Variants in KALRN observed in about 807,000 individuals in gnomAD.
The protein encoded by KALRN is kalirin RhoGEF kinase.
A neutral mutation model predicts 353.7 loss-of-function variants in KALRN; 70 were observed. The ratio of observed to expected loss-of-function variants is 0.20; its 90% CI spans 0.16 to 0.24. The LOEUF (loss-of-function observed/expected upper bound fraction) is 0.24, where lower values mean the gene tolerates loss of function less well. Ranked by LOEUF, KALRN falls within the 10% of genes least tolerant of loss-of-function variation. The pLI is 1.00. For missense variants in KALRN, 2,791 were observed against 3,756.7 expected, an observed-to-expected ratio of 0.74 and a Z score of 6.72; for synonymous variants, 1,391 against 1,434.8, an observed-to-expected ratio of 0.97 and a Z score of 0.69.
intron 1 of KALRN, among the ~76,000 whole-genome samples, chr3:124,194,441 C>T (rs993606802): frequency 7.9e-5 from 12 of 151,658 alleles, no homozygotes; most frequent in African/African-American, 1.9e-4. Context: ...ACGAGCCTCC[C>T]GAGGCTTCAG....
At chr3:124,554,191 A>G (rs1401629716) in intron 33 of KALRN, among the ~76,000 whole-genome samples, 2 of 152,230 alleles carry the variant, frequency 1.3e-5, no homozygotes, top group Non-Finnish European at 2.9e-5. Context: ...CCCCATCTCC[A>G]CTAAAAATAC....
At chr3:124,357,980 C>A (rs1405956048) in intron 10 of KALRN, among the ~76,000 whole-genome samples, 1 of 152,256 alleles carries the variant, frequency 6.6e-6, no homozygotes, top group South Asian at 2.1e-4. Context: ...AGAGGTAGAT[C>A]AGATGAATAT....
chr3:124,601,590 G>A (rs956770034), intron 34 of KALRN, among the ~76,000 whole-genome samples: 1 of 152,138 alleles, frequency 6.6e-6, no homozygotes, highest in Non-Finnish European at 1.5e-5. Flanking sequence ...CTTCAACCAG[G>A]TCACTATTAA....
chr3:124,321,201 C>T (rs964482211), intron 6 of KALRN, among the ~76,000 whole-genome samples: 10 of 152,094 alleles, frequency 6.6e-5, no homozygotes, highest in Admixed American at 1.3e-4. Context: ...AGAGTGGGGG[C>T]CTATGACCAC....
rs998651537 is a variant in KALRN at position 124,538,244 on chromosome 3, TTGTGTG to T, written c.4936-24589_4936-24584del. Reference sequence around the variant, plus strand: ...GTGATATTGAAGAGCCAAAGAGTGTTTGTGTGTGTGTGTGTTTGTGTGTGTGTGTGT... The same window carrying T: ...GTGATATTGAAGAGCCAAAGAGTGTTTGTGTGTGTTTGTGTGTGTGTGTGT... On this transcript the variant is annotated intron_variant, in intron 33 of 59. Coordinates refer to ENST00000682506, the MANE Select transcript of KALRN (RefSeq NM_001388419.1). Among the ~76,000 whole-genome samples the T allele has an allele frequency of 2.1e-4, 29 of 137,844 alleles. No homozygotes were observed. The South Asian group carries it at 6.8e-3, about 32-fold the overall frequency. 90.4% of individuals were successfully genotyped at this position (137,844 alleles called of 152,430 possible). A position where few individuals can be genotyped will look rare whatever the true frequency, so the allele number is the denominator to read the frequency against.
intron 49 of KALRN, among the ~76,000 whole-genome samples, chr3:124,677,004 G>A (rs1319375537): frequency 3.3e-5 from 5 of 152,106 alleles, no homozygotes; most frequent in Non-Finnish European, 5.9e-5. Context: ...GTGTGTTAGC[G>A]GATAAATATT....
intron 33 of KALRN, among the ~76,000 whole-genome samples, chr3:124,521,013 A>G (rs1239406836): frequency 6.6e-6 from 1 of 152,146 alleles, no homozygotes; most frequent in Non-Finnish European, 1.5e-5. Context: ...TCTTCCTTGC[A>G]CACCTCCCAC....
intron 55 of KALRN, 46 bp from the exon 56 acceptor site, chr3:124,699,823 T>C: frequency 1.3e-6 from 2 of 1,584,278 alleles, no homozygotes; most frequent in Non-Finnish European, 1.7e-6. Context: ...TGAAACAATA[T>C]CCCTTTGGCT....
chr3:124,658,219 C>T (rs916781080), intron 41 of KALRN, among the ~76,000 whole-genome samples: 2 of 152,146 alleles, frequency 1.3e-5, no homozygotes, highest in Non-Finnish European at 2.9e-5. Flanking sequence ...TCTTTCTCAG[C>T]CCTCTCTAAG....
At chr3:124,524,705 G>A (rs1388969655) in intron 33 of KALRN, among the ~76,000 whole-genome samples, 2 of 152,196 alleles carry the variant, frequency 1.3e-5, no homozygotes, top group Non-Finnish European at 2.9e-5. Flanking sequence ...CCAACAATGT[G>A]TATGTATGTG....
intron 51 of KALRN, among the ~76,000 whole-genome samples, chr3:124,685,225 A>G (rs2061506964): frequency 6.6e-6 from 1 of 152,062 alleles, no homozygotes; most frequent in African/African-American, 2.4e-5. Flanking sequence ...TGGCTTGAAG[A>G]CTTCCTGCCT....
chr3:124,506,975 T>C (rs1052520389), intron 33 of KALRN, among the ~76,000 whole-genome samples: 1 of 152,244 alleles, frequency 6.6e-6, no homozygotes, highest in African/African-American at 2.4e-5. Flanking sequence ...ACAGAGGATA[T>C]GGCAATGAAG....
chr3:124,433,068 G>A (rs2093340127), intron 16 of KALRN, among the ~76,000 whole-genome samples: 1 of 152,094 alleles, frequency 6.6e-6, no homozygotes, highest in South Asian at 2.1e-4. Flanking sequence ...AAATATGCCA[G>A]GGAAGATAAG....
At chr3:124,149,359 C>T (rs1325178040) in intron 1 of KALRN, among the ~76,000 whole-genome samples, 1 of 152,194 alleles carries the variant, frequency 6.6e-6, no homozygotes, top group Non-Finnish European at 1.5e-5. Context: ...GGAGTCTTGG[C>T]ACCTACCTAT....
intron 34 of KALRN, among the ~76,000 whole-genome samples, chr3:124,615,672 G>A (rs913849630): frequency 1.3e-5 from 2 of 152,138 alleles, no homozygotes. Context: ...TAAAGAACTG[G>A]TGCCAGTGGG....
At chr3:124,440,093 G>A (rs2093621659) in intron 18 of KALRN, among the ~76,000 whole-genome samples, 1 of 151,396 alleles carries the variant, frequency 6.6e-6, no homozygotes, top group East Asian at 1.9e-4. Flanking sequence ...TATCTATCTG[G>A]TATCCGCACC....
intron 1 of KALRN, among the ~76,000 whole-genome samples, chr3:124,050,456 T>C (rs116658365): frequency 1.4e-3 from 211 of 152,254 alleles, no homozygotes; most frequent in African/African-American, 5.0e-3. Context: ...TCCTCTCCCC[T>C]CCACACCACA....
intron 1 of KALRN, among the ~76,000 whole-genome samples, chr3:124,084,938 G>C (rs951756917): frequency 1.3e-5 from 2 of 152,254 alleles, no homozygotes; most frequent in Middle Eastern, 3.4e-3. Context: ...CCACCTGTGA[G>C]GGCCCCCTTC....
chr3:124,454,216 C>G (rs1394332171), intron 21 of KALRN, among the ~76,000 whole-genome samples: 1 of 152,246 alleles, frequency 6.6e-6, no homozygotes, highest in East Asian at 1.9e-4. Context: ...TATTTAGATC[C>G]TGGCATGTGC....
Sources: gnomAD v4.1 joint callset for allele counts (sites outside exome capture counted in the v4.1 genomes callset) on GRCh38, gnomAD v4.1.1 for gene constraint, MANE v1.5 for transcripts, NCBI Gene and HGNC (gene_info 2026-07-23, HGNC 2026-07-21) for gene names.